The following ZBTB10 variants were observed in gnomAD, a reference collection of about 807,000 sequenced individuals.
ZBTB10 encodes zinc finger and BTB domain-containing protein 10.
Under a neutral mutation model 76.4 loss-of-function variants are expected in ZBTB10, and 32 were observed. The observed-to-expected ratio is 0.42, with a 90% confidence interval of 0.32 to 0.56. The LOEUF (loss-of-function observed/expected upper bound fraction) is 0.56, where lower values mean the gene tolerates loss of function less well. Ranked by LOEUF, ZBTB10 falls within the 20% of genes least tolerant of loss-of-function variation. The pLI is 0.14. For missense variants in ZBTB10, 1,057 were observed against 1,098.5 expected (o/e 0.96, Z 0.53); for synonymous variants, 523 against 432.9 (o/e 1.21, Z -2.58).
At chr8:80,503,527 G>GT (rs1278032766) in intron 2 of ZBTB10, among the ~76,000 whole-genome samples, 2 of 142,752 alleles carry the variant, frequency 1.4e-5, no homozygotes, top group Non-Finnish European at 3.1e-5. Flanking sequence ...ATTTATTTAT[G>GT]TTTTTTGAGA....
intron 3 of ZBTB10, 143 bp from the exon 4 acceptor site, chr8:80,518,260 G>C (rs867784572): frequency 7.8e-5 from 60 of 767,008 alleles, no homozygotes; most frequent in Middle Eastern, 4.0e-4. Context: ...CTCAATTTTA[G>C]ACTAAAATAC....
At chr8:80,502,336 A>T (rs1380199339) in intron 2 of ZBTB10, among the ~76,000 whole-genome samples, 1 of 152,154 alleles carries the variant, frequency 6.6e-6, no homozygotes, top group East Asian at 1.9e-4. Context: ...CCTGGGTTCA[A>T]GCGATTCTCC....
At chr8:80,495,782 A>T (rs971637134) in intron 1 of ZBTB10, among the ~76,000 whole-genome samples, 1 of 152,222 alleles carries the variant, frequency 6.6e-6, no homozygotes, top group Non-Finnish European at 1.5e-5. Flanking sequence ...GAACATCTAG[A>T]TAATAGGTTA....
At chr8:80,495,861 C>T (rs1815769944) in intron 1 of ZBTB10, among the ~76,000 whole-genome samples, 1 of 152,162 alleles carries the variant, frequency 6.6e-6, no homozygotes, top group Non-Finnish European at 1.5e-5. Flanking sequence ...ATTGAGGTCT[C>T]ATCCAGACTA....
chr8:80,521,792 CT>C lies in ZBTB10; in HGVS notation c.*2268del, dbSNP rs1816454807. 6.6e-6 allele frequency: 1 copy of C among 151,602 alleles called. No homozygotes were observed. Among genetic ancestry groups the C allele is most frequent in the Admixed American group, 6.6e-5 (1 of 15,188 alleles). 9.4% of individuals were successfully genotyped at this position (151,602 alleles called of 1,614,324 possible). ...CTTGGTACACTACGGGATTGTTGTG[CT>C]TTTGTTTGGTTTTAGTTGGAAATAA... is the stretch of plus-strand genomic sequence containing the variant. On this transcript the variant is annotated 3_prime_UTR_variant, in exon 6 of 6. Coordinates refer to ENST00000455036, the MANE Select transcript of ZBTB10 (RefSeq NM_001105539.3).
intron 1 of ZBTB10, among the ~76,000 whole-genome samples, chr8:80,493,207 G>GCACACACACACACACA (rs369440030): frequency 7.9e-4 from 99 of 125,288 alleles, no homozygotes; most frequent in Middle Eastern, 4.3e-3. Context: ...GCGCGCGCGC[G>GCACACACACACACACA]CACACACACA....
Position 80,518,771 on chromosome 8 carries a change from A to C in ZBTB10, c.2138-11A>C. ...TGTAATAAGCACTTTCTCTTTTTTT[A>C]ATTCTCATAGGTGAATCATCTCTAA... On this transcript the variant is annotated splice_polypyrimidine_tract_variant and intron_variant, in intron 4 of 5. Transcript: ENST00000455036. 1 of 1,591,256 alleles carries C rather than the reference A, an allele frequency of 6.3e-7. No individual in the cohort carries two copies.
intron 1 of ZBTB10, among the ~76,000 whole-genome samples, chr8:80,498,754 G>A (rs1190846722): frequency 2.6e-5 from 4 of 152,220 alleles, no homozygotes; most frequent in Non-Finnish European, 4.4e-5. Flanking sequence ...TAATTGTGAC[G>A]CCAAGTAGAA....
At chr8:80,508,788 A>G (rs1246135076) in intron 2 of ZBTB10, among the ~76,000 whole-genome samples, 1 of 152,210 alleles carries the variant, frequency 6.6e-6, no homozygotes, top group Non-Finnish European at 1.5e-5. Context: ...ATTTCCTACT[A>G]CCTTGTCTAT....
Position 80,521,410 on chromosome 8 carries a change from C to T in ZBTB10, c.*1882C>T, listed in dbSNP as rs1325087351. ...ACTATGAATGAAAAAGTATTTTAAA[C>T]GTAAAATGTTCTTTGTGAATATGTA... On this transcript the variant is annotated 3_prime_UTR_variant, in exon 6 of 6. Coordinates refer to ENST00000455036, the MANE Select transcript of ZBTB10 (RefSeq NM_001105539.3). 1 of 151,648 alleles carries T rather than the reference C, an allele frequency of 6.6e-6. No individual in the cohort carries two copies. The highest frequency in any genetic ancestry group is 1.5e-5 in the Non-Finnish European group (1 of 67,726). The allele number at this position is 151,648 out of a possible 1,614,324, so 9.4% of individuals were successfully genotyped here.
rs111261090 is a variant in ZBTB10 at position 80,510,802 on chromosome 8, A to G, written c.1862-3108A>G. ...TTTTTTTGCTACCTTTAAATGAAGCATAAGATTCCCATAGGAAGATGCTGG... is the reference window on the plus strand; with the variant it reads ...TTTTTTTGCTACCTTTAAATGAAGCGTAAGATTCCCATAGGAAGATGCTGG... On this transcript the variant is annotated intron_variant, in intron 2 of 5. Transcript: ENST00000455036. 7.9e-5 allele frequency among the ~76,000 whole-genome samples: 12 copies of G among 152,344 alleles called. 2 individuals carry two copies. Among genetic ancestry groups the G allele is most frequent in the African/African-American group, 2.6e-4 (11 of 41,568 alleles).
upstream of ZBTB10, chr8:80,486,000 G>A (rs1815436813): frequency 2.1e-6 from 2 of 934,076 alleles, no homozygotes; most frequent in African/African-American, 3.0e-5. Context: ...CCAGCCCGCC[G>A]CCCGGCCTTT....
intron 2 of ZBTB10, among the ~76,000 whole-genome samples, chr8:80,507,329 A>T (rs547377944): frequency 2.6e-3 from 342 of 132,898 alleles, no homozygotes; most frequent in Non-Finnish European, 4.5e-3. Flanking sequence ...GAAAAAAAAA[A>T]CAGCTGGGCA....
chr8:80,517,482 C>T (rs1191171649), intron 3 of ZBTB10, among the ~76,000 whole-genome samples: 1 of 152,124 alleles, frequency 6.6e-6, no homozygotes, highest in East Asian at 1.9e-4. Flanking sequence ...TTGATTCTAT[C>T]TTCTGCACGT....
rs188717707 is a variant in ZBTB10, at chr8:80,493,059, C to A, written c.972+5277C>A. ...TGAAACCCCGTCTCTACTGAAAATA[C>A]AAAAATAAGCCAGGCGTGGTGGCAG... On this transcript the variant is annotated intron_variant, in intron 1 of 5. Transcript: ENST00000455036. Among the ~76,000 whole-genome samples, 1,083 of 151,664 alleles carry A rather than the reference C, an allele frequency of 7.1e-3. 15 individuals carry two copies. Among genetic ancestry groups the A allele is most frequent in the African/African-American group, 0.025 (1,041 of 41,376 alleles).
chr8:80,491,037 G>A (rs887585363), intron 1 of ZBTB10, among the ~76,000 whole-genome samples: 1 of 152,170 alleles, frequency 6.6e-6, no homozygotes, highest in Non-Finnish European at 1.5e-5. Context: ...GACCCTGTCT[G>A]TACTTAGTGT....
rs117936555 is a variant in ZBTB10, at chr8:80,506,206, T to G, written c.1861+5824T>G. Among the ~76,000 whole-genome samples, 817 of 152,292 alleles carry G rather than the reference T, an allele frequency of 5.4e-3. 6 individuals are homozygous for G. Among genetic ancestry groups the G allele is most frequent in the Non-Finnish European group, 7.6e-3 (515 of 68,020 alleles). ...TTTCTACCTTAAAATTCTGAAATCT[T>G]AATAGTTCTGAGGACCCAAAGCTTT... is the stretch of plus-strand genomic sequence containing the variant. On this transcript the variant is annotated intron_variant, in intron 2 of 5. Coordinates refer to ENST00000455036, the MANE Select transcript of ZBTB10 (RefSeq NM_001105539.3).
chr8:80,500,060 T>C lies in ZBTB10; in HGVS notation c.1539T>C (p.Asn513=), dbSNP rs1407729803. 2.5e-6 allele frequency: 4 copies of C among 1,613,806 alleles called. No homozygotes were observed. The highest frequency in any genetic ancestry group is 1.7e-5 in the Admixed American group (1 of 59,996). Reference sequence around the variant, plus strand: ...GGAATCTTACCAATTTGGCAAGTAATGTAAAGATTGAAAATGATGGTTGTA... The same window carrying C: ...GGAATCTTACCAATTTGGCAAGTAACGTAAAGATTGAAAATGATGGTTGTA... ...ATRNLTNLAS[N]VKIENDGCNV... The change falls in exon 2 of 6, where the codon AAT becomes AAC. Residue 513 remains asparagine, a synonymous_variant. Transcript: ENST00000455036.
rs1386563466 is a variant in ZBTB10 at position 80,521,518 on chromosome 8, A to G, written c.*1990A>G. The G allele has an allele frequency of 1.3e-5, 2 of 151,750 alleles. No individual in the cohort carries two copies. The highest frequency in any genetic ancestry group is 2.4e-5 in the African/African-American group (1 of 41,408). 9.4% of individuals were successfully genotyped at this position (151,750 alleles called of 1,614,324 possible). A position where few individuals can be genotyped will look rare whatever the true frequency, so the allele number is the denominator to read the frequency against. ...TTACAATTGGTAGATCTGTCTATAT[A>G]TAAATATATATTAAAGAACAAAGAT... On this transcript the variant is annotated 3_prime_UTR_variant, in exon 6 of 6. Transcript: ENST00000455036.
Sources: gnomAD v4.1 joint callset for allele counts (sites outside exome capture counted in the v4.1 genomes callset) on GRCh38, gnomAD v4.1.1 for gene constraint, MANE v1.5 for transcripts, NCBI Gene and HGNC (gene_info 2026-07-23, HGNC 2026-07-21) for gene names.